The following TMED3 variants were observed in gnomAD, a reference collection of about 807,000 sequenced individuals.
TMED3 encodes transmembrane p24 trafficking protein 3, also known as transmembrane emp24 domain-containing protein 3.
A neutral mutation model predicts 15.0 loss-of-function variants in TMED3; 9 were observed. The observed-to-expected ratio is 0.60, with a 90% CI of 0.36 to 1.04. The LOEUF (loss-of-function observed/expected upper bound fraction) is 1.04, where lower values mean the gene tolerates loss of function less well. TMED3 is among the 50% of genes least tolerant of loss of function. The pLI, the probability that TMED3 is intolerant of heterozygous loss-of-function variation, is 0.01. For synonymous variants in TMED3, 117 were observed against 121.4 expected, an observed-to-expected ratio of 0.96 and a Z score of 0.24; for missense variants, 267 against 278.9, an observed-to-expected ratio of 0.96 and a Z score of 0.30.
intron 2 of TMED3, among the ~76,000 whole-genome samples, chr15:79,407,372 A>G (rs1002107624): frequency 6.6e-6 from 1 of 152,192 alleles, no homozygotes; most frequent in African/African-American, 2.4e-5. Context: ...ATACTGGGGC[A>G]TTTGCTCCCT....
At chr15:79,343,049 T>G (rs975400401) in intron 2 of TMED3, among the ~76,000 whole-genome samples, 6 of 152,086 alleles carry the variant, frequency 3.9e-5, no homozygotes, top group Non-Finnish European at 8.8e-5. Flanking sequence ...GAAAGAGCAA[T>G]TGCAAAGGTC....
At chr15:79,359,105 A>C (rs872287) in intron 2 of TMED3, among the ~76,000 whole-genome samples, 52,239 of 152,066 alleles carry the variant, frequency 0.34, 10,185 homozygotes, top group Middle Eastern at 0.49. Flanking sequence ...CCACGGGGGA[A>C]GACAAGGGAA....
intron 2 of TMED3, among the ~76,000 whole-genome samples, chr15:79,408,874 C>T (rs757311768): frequency 2.2e-4 from 33 of 152,328 alleles, no homozygotes; most frequent in Non-Finnish European, 2.1e-4. Context: ...GAAGGGCCCA[C>T]GGCTTCTCTG....
chr15:79,348,198 C>T (rs867082538), intron 2 of TMED3, among the ~76,000 whole-genome samples: 3 of 152,136 alleles, frequency 2.0e-5, no homozygotes, highest in Non-Finnish European at 2.9e-5. Flanking sequence ...AGAAACTTGC[C>T]GGTTAAGTCA....
intron 2 of TMED3, among the ~76,000 whole-genome samples, chr15:79,375,849 G>T (rs1441403196): frequency 2.0e-5 from 3 of 152,190 alleles, no homozygotes; most frequent in Non-Finnish European, 4.4e-5. Flanking sequence ...CAGGGTGCAT[G>T]ATTTTATGTG....
At position 79,404,211 on chromosome 15, in the gene TMED3, T is replaced by C. The variant is rs557457960; in HGVS notation, c.418-7189T>C. ...TGGGCAGGTTAGTCAAACCCCTATATGAATTAGGTGACAATTCCCTGTTAG... is the reference window on the plus strand; with the variant it reads ...TGGGCAGGTTAGTCAAACCCCTATACGAATTAGGTGACAATTCCCTGTTAG... On this transcript the variant is annotated intron_variant, in intron 2 of 2. Transcript: ENST00000424155. Among the ~76,000 whole-genome samples, 54 of 152,330 alleles carry C rather than the reference T, an allele frequency of 3.5e-4. 2 individuals are homozygous for C. In the South Asian group the frequency reaches 0.011, roughly 32 times the overall value.
At chr15:79,405,185 C>A (rs1031113282) in intron 2 of TMED3, among the ~76,000 whole-genome samples, 6 of 152,306 alleles carry the variant, frequency 3.9e-5, no homozygotes, top group Non-Finnish European at 5.9e-5. Context: ...AGCAGCATGA[C>A]AGAAGATACT....
chr15:79,345,027 G>T (rs190925050), intron 2 of TMED3, among the ~76,000 whole-genome samples: 13 of 152,232 alleles, frequency 8.5e-5, no homozygotes, highest in African/African-American at 2.6e-4. Flanking sequence ...GACAATGAAA[G>T]ACATATAAAT....
At chr15:79,339,060 A>G (rs778447269) in intron 2 of TMED3, among the ~76,000 whole-genome samples, 2 of 152,132 alleles carry the variant, frequency 1.3e-5, no homozygotes, top group Middle Eastern at 3.2e-3. Context: ...GTCTGCCTTC[A>G]TGTTCCATCC....
intron 2 of TMED3, among the ~76,000 whole-genome samples, chr15:79,317,957 G>A (rs1174474281): frequency 3.3e-5 from 5 of 152,170 alleles, no homozygotes; most frequent in African/African-American, 1.2e-4. Flanking sequence ...TCTGCTCACA[G>A]AGCCACACGA....
chr15:79,349,226 GA>G (rs1183109507), intron 2 of TMED3, among the ~76,000 whole-genome samples: 2 of 152,284 alleles, frequency 1.3e-5, no homozygotes, highest in East Asian at 1.9e-4. Flanking sequence ...CGACAAAAAT[GA>G]TAACTGTGAG....
At chr15:79,356,721 T>G (rs953089983) in intron 2 of TMED3, among the ~76,000 whole-genome samples, 1 of 152,178 alleles carries the variant, frequency 6.6e-6, no homozygotes, top group Non-Finnish European at 1.5e-5. Context: ...TTGAAAGCAT[T>G]CATCCCCTTT....
At chr15:79,350,616 G>A (rs914335636) in intron 2 of TMED3, among the ~76,000 whole-genome samples, 2 of 152,138 alleles carry the variant, frequency 1.3e-5, no homozygotes, top group African/African-American at 4.8e-5. Flanking sequence ...ATTAAATGGT[G>A]CCTACCCAGG....
At chr15:79,326,892 G>C (rs1050145546), downstream of TMED3, among the ~76,000 whole-genome samples, 6 of 152,132 alleles carry the variant, frequency 3.9e-5, no homozygotes, top group African/African-American at 1.4e-4. Context: ...GGTTTATTTG[G>C]CTCACTGTTT....
At chr15:79,313,606 T>C (rs7170565) in intron 1 of TMED3, 151 bp from the exon 2 acceptor site, 1,016,445 of 1,019,572 alleles carry the variant, frequency 1, 506,726 homozygotes, top group East Asian at 1. Flanking sequence ...TGCTCAGCCT[T>C]AGTAAAATGA....
At chr15:79,339,261 C>T (rs76350055) in intron 2 of TMED3, among the ~76,000 whole-genome samples, 4 of 152,198 alleles carry the variant, frequency 2.6e-5, no homozygotes, top group African/African-American at 9.6e-5. Flanking sequence ...GGAGATGGCT[C>T]ACTCTCCTTA....
At chr15:79,404,566 C>A (rs1023908156) in intron 2 of TMED3, among the ~76,000 whole-genome samples, 1 of 152,202 alleles carries the variant, frequency 6.6e-6, no homozygotes. Context: ...ATGTGAAATA[C>A]AAAGTTCTGC....
chr15:79,368,950 C>G (rs1893286441), intron 2 of TMED3, among the ~76,000 whole-genome samples: 1 of 151,954 alleles, frequency 6.6e-6, no homozygotes, highest in African/African-American at 2.4e-5. Context: ...AAAAAATTAG[C>G]TGGGCATGGT....
chr15:79,409,194 C>T (rs1225254805), intron 2 of TMED3, among the ~76,000 whole-genome samples: 1 of 152,216 alleles, frequency 6.6e-6, no homozygotes, highest in South Asian at 2.1e-4. Flanking sequence ...TTACAGTCTG[C>T]AAGTGCAGAG....
Sources: gnomAD v4.1 joint callset for allele counts (sites outside exome capture counted in the v4.1 genomes callset) on GRCh38, gnomAD v4.1.1 for gene constraint, MANE v1.5 for transcripts, NCBI Gene and HGNC (gene_info 2026-07-23, HGNC 2026-07-21) for gene names.